TRPM3: variants seen among roughly 807,000 people sequenced by gnomAD.
TRPM3 encodes long transient receptor potential channel 3.
In TRPM3, 77 loss-of-function variants were observed where a neutral mutation model predicts 181.2. That is an observed-to-expected ratio of 0.42 (90% confidence interval 0.35 to 0.51). The LOEUF is 0.51. TRPM3 is among the 20% of genes least tolerant of loss of function. TRPM3 has a pLI of 0.01. For synonymous variants in TRPM3, 745 were observed against 796.4 expected, an observed-to-expected ratio of 0.94 and a Z score of 1.09; for missense variants, 1,759 against 2,196.7, an observed-to-expected ratio of 0.80 and a Z score of 3.98.
intron 1 of TRPM3, among the ~76,000 whole-genome samples, chr9:71,087,187 A>G (rs2065419005): frequency 6.6e-6 from 1 of 151,966 alleles, no homozygotes; most frequent in East Asian, 1.9e-4. Context: ...GCCTTATCTC[A>G]TATCCTATTA....
At chr9:70,963,147 C>G (rs2097153314) in intron 1 of TRPM3, among the ~76,000 whole-genome samples, 1 of 152,136 alleles carries the variant, frequency 6.6e-6, no homozygotes, top group Non-Finnish European at 1.5e-5. Context: ...CAAATCAATC[C>G]ACCGTTATCA....
chr9:70,938,283 A>C (rs2096848973), intron 1 of TRPM3, among the ~76,000 whole-genome samples: 1 of 152,256 alleles, frequency 6.6e-6, no homozygotes, highest in Non-Finnish European at 1.5e-5. Context: ...TACTTCTTCT[A>C]TTCCCTTCTC....
chr9:70,887,452 A>AT (rs1564689924), intron 1 of TRPM3, among the ~76,000 whole-genome samples: 1 of 152,202 alleles, frequency 6.6e-6, no homozygotes, highest in Non-Finnish European at 1.5e-5. Flanking sequence ...TAATTTCTCC[A>AT]TTTTAAGAGC....
At chr9:70,956,850 C>T (rs966973648) in intron 1 of TRPM3, among the ~76,000 whole-genome samples, 2 of 151,752 alleles carry the variant, frequency 1.3e-5, no homozygotes, top group African/African-American at 4.8e-5. Context: ...CACACCAATG[C>T]ACTCCAGCCT....
intron 1 of TRPM3, among the ~76,000 whole-genome samples, chr9:71,199,922 A>G: frequency 6.6e-6 from 1 of 151,990 alleles, no homozygotes; most frequent in East Asian, 1.9e-4. Flanking sequence ...TAGCTTTTGA[A>G]TGTGCTTGCT....
chr9:70,854,588 A>T (rs2132237736), intron 3 of TRPM3, among the ~76,000 whole-genome samples: 1 of 152,098 alleles, frequency 6.6e-6, no homozygotes, highest in African/African-American at 2.4e-5. Context: ...CTGGGGAGTG[A>T]TTGGTGCAGG....
chr9:70,790,260 C>T (rs943515390), intron 6 of TRPM3, among the ~76,000 whole-genome samples: 4 of 152,154 alleles, frequency 2.6e-5, no homozygotes, highest in African/African-American at 4.8e-5. Flanking sequence ...GAAGATCATT[C>T]TCTACCTACA....
chr9:71,063,696 C>T (rs938853434), intron 1 of TRPM3, among the ~76,000 whole-genome samples: 5 of 151,924 alleles, frequency 3.3e-5, no homozygotes, highest in Non-Finnish European at 5.9e-5. Context: ...GGGAGGGTGG[C>T]TGTAGGGACT....
At chr9:70,598,704 G>A in intron 20 of TRPM3, 34 bp from the exon 21 acceptor site, 6 of 1,595,564 alleles carry the variant, frequency 3.8e-6, no homozygotes, top group African/African-American at 1.3e-5. Flanking sequence ...AGTTAGGTCT[G>A]GTTTCTGTCT....
At chr9:70,585,993 T>C (rs1175200199) in intron 22 of TRPM3, among the ~76,000 whole-genome samples, 3 of 152,194 alleles carry the variant, frequency 2.0e-5, no homozygotes, top group East Asian at 1.9e-4. Context: ...CCTGGAACTT[T>C]TCATACTAAT....
chr9:70,804,372 C>T (rs2090127477), intron 6 of TRPM3, among the ~76,000 whole-genome samples: 1 of 152,178 alleles, frequency 6.6e-6, no homozygotes, highest in African/African-American at 2.4e-5. Context: ...AACTACTGTT[C>T]TTTATTGGAT....
chr9:71,216,562 A>T (rs572423302), intron 1 of TRPM3, among the ~76,000 whole-genome samples: 1 of 152,240 alleles, frequency 6.6e-6, no homozygotes, highest in Non-Finnish European at 1.5e-5. Flanking sequence ...ACAGGAAATG[A>T]AAGGTACATA....
intron 1 of TRPM3, among the ~76,000 whole-genome samples, chr9:71,358,906 T>C (rs2092020364): frequency 6.6e-6 from 1 of 152,208 alleles, no homozygotes; most frequent in Non-Finnish European, 1.5e-5. Flanking sequence ...TTTCCAAACT[T>C]TCTGTGAGCT....
At chr9:71,213,377 C>T in intron 1 of TRPM3, among the ~76,000 whole-genome samples, 1 of 152,020 alleles carries the variant, frequency 6.6e-6, no homozygotes, top group Admixed American at 6.6e-5. Context: ...GCCTACGGGC[C>T]TTAGTTAGCC....
chr9:70,862,764 G>T, intron 3 of TRPM3, 144 bp downstream of exon 3: 1 of 742,242 alleles, frequency 1.3e-6, no homozygotes. Flanking sequence ...CACAGGGGCA[G>T]GGGACTCAGA....
rs181171380 is a variant in TRPM3, at chr9:70,698,263, G to A, written c.1273-16685C>T. Among the ~76,000 whole-genome samples, 664 of 151,278 alleles carry A rather than the reference G, an allele frequency of 4.4e-3. 4 individuals carry two copies. The highest frequency in any genetic ancestry group is 0.015 in the African/African-American group (601 of 41,234). ...TATATCCTTGCCCCTTCTTCAAGCC[G>A]ATTCTCCATGTAACAGCAGAGTTTT... On this transcript the variant is annotated intron_variant, in intron 8 of 25. Coordinates refer to ENST00000677713, the MANE Select transcript of TRPM3 (RefSeq NM_001366145.2).
At chr9:71,427,526 T>C (rs577977309) in intron 1 of TRPM3, among the ~76,000 whole-genome samples, 1 of 152,190 alleles carries the variant, frequency 6.6e-6, no homozygotes, top group African/African-American at 2.4e-5. Context: ...CCATCAACAG[T>C]GGACTGCATA....
At chr9:71,200,796 C>T (rs1402281848) in intron 1 of TRPM3, among the ~76,000 whole-genome samples, 1 of 152,058 alleles carries the variant, frequency 6.6e-6, no homozygotes, top group Non-Finnish European at 1.5e-5. Flanking sequence ...TACCTGAATA[C>T]AGCACACTGA....
intron 1 of TRPM3, among the ~76,000 whole-genome samples, chr9:71,222,936 T>C (rs1489577218): frequency 1.3e-5 from 2 of 152,100 alleles, no homozygotes; most frequent in Non-Finnish European, 2.9e-5. Context: ...TAAAGTGCTC[T>C]GGGGCTCCAA....
Sources: gnomAD v4.1 joint callset for allele counts (sites outside exome capture counted in the v4.1 genomes callset) on GRCh38, gnomAD v4.1.1 for gene constraint, MANE v1.5 for transcripts, NCBI Gene and HGNC (gene_info 2026-07-23, HGNC 2026-07-21) for gene names.